TRIT1: variants seen among roughly 807,000 people sequenced by gnomAD.
TRIT1 encodes the protein tRNA isopentenyltransferase 1.
TRIT1 carries 43 observed loss-of-function variants against 51.2 expected under a neutral mutation model. The observed-to-expected ratio is 0.84, with a 90% CI of 0.66 to 1.08. TRIT1 has a LOEUF of 1.08. Ranked by LOEUF, TRIT1 falls within the 50% of genes least tolerant of loss-of-function variation. TRIT1 has a pLI of 0.00. For synonymous variants in TRIT1, 184 were observed against 203.9 expected, an observed-to-expected ratio of 0.90 and a Z score of 0.83; for missense variants, 528 against 578.4, an observed-to-expected ratio of 0.91 and a Z score of 0.89.
chr1:39,873,695 T>G (rs1643951389), intron 1 of TRIT1, among the ~76,000 whole-genome samples: 1 of 152,150 alleles, frequency 6.6e-6, no homozygotes, highest in Non-Finnish European at 1.5e-5. Context: ...ATACAGGAAC[T>G]CTTGGTACTA....
intron 1 of TRIT1, among the ~76,000 whole-genome samples, chr1:39,872,541 A>G (rs1643910851): frequency 6.6e-6 from 1 of 152,148 alleles, no homozygotes; most frequent in Non-Finnish European, 1.5e-5. Flanking sequence ...AAGAAGTCAC[A>G]AATAAGCAAG....
At chr1:39,882,107 C>T (rs927744689) in intron 1 of TRIT1, among the ~76,000 whole-genome samples, 3 of 152,178 alleles carry the variant, frequency 2.0e-5, no homozygotes, top group Non-Finnish European at 2.9e-5. Context: ...TCCTACTTTA[C>T]AGAAGAAGAA....
At chr1:39,862,811 GT>G in intron 1 of TRIT1, 5 of 985,376 alleles carry the variant, frequency 5.1e-6, no homozygotes, top group Non-Finnish European at 6.0e-6. Flanking sequence ...TTCAATTACA[GT>G]TTCAGCATCA....
chr1:39,864,149 G>A (rs958980650), intron 1 of TRIT1, among the ~76,000 whole-genome samples: 2 of 152,038 alleles, frequency 1.3e-5, no homozygotes, highest in Non-Finnish European at 2.9e-5. Flanking sequence ...GTCTCCCAGA[G>A]TGCTGGGATT....
At chr1:39,877,264 A>G (rs763858768) in intron 1 of TRIT1, among the ~76,000 whole-genome samples, 15 of 151,086 alleles carry the variant, frequency 9.9e-5, no homozygotes, top group Non-Finnish European at 1.8e-4. Context: ...TGGGAGGCCA[A>G]TGCAGGAGGA....
In TRIT1 at chr1:39,841,607, A is replaced by C; in HGVS notation, c.*137T>G. On this transcript the variant is annotated 3_prime_UTR_variant, in exon 11 of 11. Transcript: ENST00000316891. ...GAACGTGAGACTTTAAAACCACATCAAAAGAAAATGGTGGGAGCTTTTCTG... is the reference window on the plus strand; with the variant it reads ...GAACGTGAGACTTTAAAACCACATCCAAAGAAAATGGTGGGAGCTTTTCTG... The C allele has an allele frequency of 1.1e-6, 1 of 893,238 alleles. No homozygotes were observed. The highest frequency in any genetic ancestry group is 1.7e-5 in the African/African-American group (1 of 58,666). 55.3% of individuals were successfully genotyped at this position (893,238 alleles called of 1,614,324 possible).
At chr1:39,868,789 G>T (rs1643695572) in intron 1 of TRIT1, among the ~76,000 whole-genome samples, 1 of 152,176 alleles carries the variant, frequency 6.6e-6, no homozygotes, top group South Asian at 2.1e-4. Flanking sequence ...GCTGGGCGTG[G>T]TGGCTCACGC....
intron 1 of TRIT1, among the ~76,000 whole-genome samples, chr1:39,860,017 C>T (rs1048693184): frequency 2.0e-5 from 3 of 152,106 alleles, no homozygotes; most frequent in African/African-American, 7.2e-5. Flanking sequence ...CTTAAACAAA[C>T]GGACACATAA....
At chr1:39,867,981 G>A (rs1183729442) in intron 1 of TRIT1, among the ~76,000 whole-genome samples, 2 of 148,866 alleles carry the variant, frequency 1.3e-5, no homozygotes, top group Admixed American at 1.3e-4. Flanking sequence ...GTCTCGCTCT[G>A]TCGCCCAGGC....
chr1:39,852,425 A>ATTGTTC, intron 4 of TRIT1: 2 of 261,536 alleles, frequency 7.6e-6, no homozygotes, highest in Non-Finnish European at 1.4e-5. Flanking sequence ...GCATGCCAGA[A>ATTGTTC]AAAATGTATA....
chr1:39,862,781 C>A (rs1643325305), intron 1 of TRIT1: 1 of 985,260 alleles, frequency 1.0e-6, no homozygotes, highest in Non-Finnish European at 1.2e-6. Context: ...GAATCTCTTA[C>A]ACTTACCCTA....
At position 39,883,176 on chromosome 1, in the gene TRIT1, G is replaced by A. The variant is rs543029005; in HGVS notation, c.174+142C>T. On this transcript the variant is annotated intron_variant, in intron 1 of 10. Transcript: ENST00000316891. ...TCTGGCACTGTGTCTGGCATGCGGC[G>A]GGTGCTTAGTAAGTATGGGCTCCCT... is the stretch of plus-strand genomic sequence containing the variant. 1.9e-4 allele frequency: 146 copies of A among 760,282 alleles called. 3 individuals are homozygous for A. In the South Asian group the frequency reaches 2.2e-3, roughly 11 times the overall value. The allele number at this position is 760,282 out of a possible 1,614,324, so 47.1% of individuals were successfully genotyped here. A position where few individuals can be genotyped will look rare whatever the true frequency, so the allele number is the denominator to read the frequency against.
At chr1:39,873,824 G>A (rs565055673) in intron 1 of TRIT1, among the ~76,000 whole-genome samples, 1 of 152,028 alleles carries the variant, frequency 6.6e-6, no homozygotes, top group South Asian at 2.1e-4. Flanking sequence ...GGGAGTTCGA[G>A]ACCAGCCTGA....
At chr1:39,843,767 C>A (rs1642060168) in intron 10 of TRIT1, among the ~76,000 whole-genome samples, 1 of 152,134 alleles carries the variant, frequency 6.6e-6, no homozygotes, top group Non-Finnish European at 1.5e-5. Context: ...CCTGATCCCA[C>A]CCCCACTGAA....
At chr1:39,868,921 G>A (rs555003215) in intron 1 of TRIT1, among the ~76,000 whole-genome samples, 7 of 152,210 alleles carry the variant, frequency 4.6e-5, no homozygotes, top group East Asian at 3.9e-4. Flanking sequence ...TTAGCTGGGC[G>A]TGGTGGCAGG....
intron 8 of TRIT1, 166 bp downstream of exon 8, chr1:39,847,054 C>A: frequency 1.8e-6 from 1 of 569,574 alleles, no homozygotes; most frequent in Non-Finnish European, 3.0e-6. Flanking sequence ...TGTGACATCC[C>A]AAGAAAATAT....
chr1:39,848,910 G>GT (rs1557538333), intron 5 of TRIT1, among the ~76,000 whole-genome samples: 1 of 151,738 alleles, frequency 6.6e-6, no homozygotes, highest in Non-Finnish European at 1.5e-5. Flanking sequence ...TTGTTCAGAT[G>GT]TGACAAACAG....
At chr1:39,862,313 TA>T (rs35360578) in intron 1 of TRIT1, among the ~76,000 whole-genome samples, 39,600 of 139,102 alleles carry the variant, frequency 0.28, 5,463 homozygotes, top group African/African-American at 0.39. Context: ...TATCACAATT[TA>T]AAAAAAAAAA....
chr1:39,869,372 C>T (rs1389583264), intron 1 of TRIT1, among the ~76,000 whole-genome samples: 2 of 151,688 alleles, frequency 1.3e-5, no homozygotes, highest in African/African-American at 2.4e-5. Context: ...CCCGAGGTGC[C>T]GGGATTGCAG....
Sources: allele counts gnomAD v4.1 joint callset (sites outside exome capture counted in the v4.1 genomes callset), GRCh38; gene constraint gnomAD v4.1.1; transcripts MANE v1.5; gene names NCBI Gene and HGNC (gene_info 2026-07-23, HGNC 2026-07-21).